SCRIB: variants seen among roughly 807,000 people sequenced by gnomAD.
SCRIB encodes the protein protein scribble homolog.
In SCRIB, 72 loss-of-function variants were observed where a neutral mutation model predicts 170.0. The ratio of observed to expected loss-of-function variants is 0.42; its 90% CI spans 0.35 to 0.52. The LOEUF (loss-of-function observed/expected upper bound fraction) is 0.52. Among genes scored for constraint, SCRIB ranks in the 20% least tolerant of loss-of-function variants. SCRIB has a pLI of 0.02. For synonymous variants in SCRIB, 1,298 were observed against 1,044.3 expected (o/e 1.24, Z -4.68); for missense variants, 2,475 against 2,338.5 (o/e 1.06, Z -1.20).
In SCRIB at chr8:143,812,904, C is replaced by T; in HGVS notation, c.700G>A (p.Glu234Lys). Residue 234 changes from glutamate (E) to lysine (K), a missense_variant, in exon 8 of 37, where the codon GAG becomes AAG. Glu to Lys is a moderately conservative substitution (Grantham distance 56). Transcript: ENST00000356994. ...AGCCCGCCGAGCTCAGCAGGCAGCT[C>T]CTCCAGCCGGTTTTCCGACACGTCC... ...CLDVSENRLE[E>K]LPAELGGLVL... The T allele has an allele frequency of 5.0e-6, 8 of 1,611,896 alleles. No individual in the cohort carries two copies. The highest frequency in any genetic ancestry group is 1.1e-5 in the South Asian group (1 of 91,066).
intron 35 of SCRIB, 68 bp from the exon 36 acceptor site, chr8:143,791,508 G>A (rs781893499): frequency 3.8e-6 from 6 of 1,596,198 alleles, no homozygotes; most frequent in Non-Finnish European, 5.1e-6. Flanking sequence ...TGGACGGGTG[G>A]GCTCCCAGCC....
rs782583575 is a variant in SCRIB, at chr8:143,805,315, C to T, written c.2467G>A (p.Val823Ile). ...RERMVEPENAVTITPLRPEDD... is the reference protein window; with the variant it reads ...RERMVEPENAITITPLRPEDD... ...TCGGGCCGCAGCGGCGTGATGGTGA[C>T]CGCGTTCTCAGGCTCCACCATGCGC... The change falls in exon 19 of 37, where the codon GTC (valine) becomes ATC (isoleucine). Residue 823 changes from valine (V) to isoleucine (I), a missense_variant. Coordinates refer to ENST00000356994, the MANE Select transcript of SCRIB (RefSeq NM_182706.5). The T allele has an allele frequency of 1.9e-6, 3 of 1,545,806 alleles. No homozygotes were observed. Among genetic ancestry groups the T allele is most frequent in the Non-Finnish European group, 8.7e-7 (1 of 1,151,522 alleles).
rs1815281167 is a variant in SCRIB at position 143,803,808 on chromosome 8, G to C, written c.3253C>G (p.Leu1085Val). 6.2e-7 allele frequency: 1 copy of C among 1,604,158 alleles called. No individual in the cohort carries two copies. The highest frequency in any genetic ancestry group is 1.1e-5 in the South Asian group (1 of 90,694). Residue 1085 changes from leucine to valine, a missense_variant, in exon 23 of 37, where the codon CTG (leucine) becomes GTG (valine). Transcript: ENST00000356994. ...VSALLRPCLE[L>V]SLLVRRDPAP... ...GGGTCCCTCCGCACCAGCAGCGACA[G>C]CTCCAGGCAGGGCCGGAGCAGGGCA...
Position 143,804,745 on chromosome 8 carries a change from C to A in SCRIB, c.2832G>T (p.Leu944=). The change falls in exon 21 of 37, where the codon CTG becomes CTT. Residue 944 remains leucine (L), a synonymous_variant. Transcript: ENST00000356994. ...LLTAASPTIA[L]LLEREAGGPL... ...GGCCCCCAGCCTCCCGCTCCAACAG[C>A]AGGGCGATGGTGGGGGAGGCAGCGG... The A allele has an allele frequency of 1.2e-6, 2 of 1,602,374 alleles. No individual in the cohort carries two copies. The highest frequency in any genetic ancestry group is 8.5e-7 in the Non-Finnish European group (1 of 1,175,262).
chr8:143,805,651 A>G (rs546910923), intron 18 of SCRIB, among the ~76,000 whole-genome samples: 3 of 152,308 alleles, frequency 2.0e-5, no homozygotes, highest in African/African-American at 4.8e-5. Context: ...CGGTGTGGGA[A>G]GCCCTAGGGC....
In SCRIB at chr8:143,806,933, C is replaced by T. The variant is rs782142620; in HGVS notation, c.2259G>A (p.Gly753=). The change falls in exon 17 of 37, where the codon GGG becomes GGA. Residue 753 remains glycine (G), a synonymous_variant. Coordinates refer to ENST00000356994, the MANE Select transcript of SCRIB (RefSeq NM_182706.5). ...CCTAGGCAGTGCTCACCTCGTCGTC[C>T]CCCTTATAGGGTGTGGAGCCCTTGC... ...AGGKGSTPYK[G]DDEGIFISRV... 11 of 1,610,536 alleles carry T rather than the reference C, an allele frequency of 6.8e-6. No homozygotes were observed. The highest frequency in any genetic ancestry group is 3.4e-6 in the Non-Finnish European group (4 of 1,178,224).
chr8:143,811,388 G>A (rs1279008278), intron 9 of SCRIB, 43 bp from the exon 10 acceptor site: 4 of 1,566,246 alleles, frequency 2.6e-6, no homozygotes, highest in Admixed American at 1.7e-5. Flanking sequence ...GGGCTTGCTG[G>A]GGGTGGGAAG....
rs1448453608 is a variant in SCRIB at position 143,811,128 on chromosome 8, G to A, written c.1106+18C>T. On this transcript the variant is annotated intron_variant, in intron 10 of 36. Coordinates refer to ENST00000356994, the MANE Select transcript of SCRIB (RefSeq NM_182706.5). ...GTTGGGGCCACGGTTAGGCCCGCAG[G>A]GCAAGGCTGGCACTCACCGGTTCCC... is the stretch of plus-strand genomic sequence containing the variant. 2.5e-6 allele frequency: 4 copies of A among 1,598,048 alleles called. No individual in the cohort carries two copies. Among genetic ancestry groups the A allele is most frequent in the African/African-American group, 1.3e-5 (1 of 74,642 alleles).
chr8:143,813,526 G>T lies in SCRIB; in HGVS notation c.447C>A (p.Asn149Lys). Residue 149 changes from asparagine to lysine, a missense_variant and splice_region_variant, in exon 5 of 37, where the codon AAC (asparagine) becomes AAA (lysine). Coordinates refer to ENST00000356994, the MANE Select transcript of SCRIB (RefSeq NM_182706.5). ...SLQALPGDVG[N>K]LANLVTLELR... is the part of the protein sequence containing the mutation. ...GCTCCAGGGTCACCAGGTTGGCGAG[G>T]CTGAAAGAGAGACCAGGCGCTGGGG... is the stretch of plus-strand genomic sequence containing the variant. 4.3e-6 allele frequency: 7 copies of T among 1,613,264 alleles called. No individual in the cohort carries two copies. The highest frequency in any genetic ancestry group is 5.1e-6 in the Non-Finnish European group (6 of 1,179,986).
chr8:143,794,516 G>C (rs938567906), intron 27 of SCRIB, among the ~76,000 whole-genome samples: 1 of 152,270 alleles, frequency 6.6e-6, no homozygotes, highest in African/African-American at 2.4e-5. Flanking sequence ...GCTTGGGCAA[G>C]GGCCTGCAGG....
chr8:143,791,405 T>A lies in SCRIB; in HGVS notation c.4806A>T (p.Glu1602Asp). ...CCAACTCACCAGGGCTGGGAGATGG[T>A]TCCAGGGACCTCAACTCCTCAGCAA... ...PDFAEELRSL[E>D]PSPSPGPQEE... The change falls in exon 36 of 37, where the codon GAA becomes GAT. Residue 1602 changes from glutamate (E) to aspartate (D), a missense_variant. This residue lies in a region of SCRIB where 1,966 missense variants were observed against 1,742.9 expected (regional missense o/e 1.13). Transcript: ENST00000356994. The A allele has an allele frequency of 6.2e-7, 1 of 1,610,806 alleles. No individual in the cohort carries two copies. The highest frequency in any genetic ancestry group is 8.5e-7 in the Non-Finnish European group (1 of 1,179,160).
chr8:143,806,368 G>C, intron 18 of SCRIB, 39 bp downstream of exon 18: 1 of 1,506,960 alleles, frequency 6.6e-7, no homozygotes. Flanking sequence ...CCTCCAGAGG[G>C]CACAGCTGCC....
chr8:143,812,681 C>T lies in SCRIB; in HGVS notation c.787+136G>A, dbSNP rs895871419. The T allele has an allele frequency of 2.9e-5, 36 of 1,239,272 alleles. 1 individual carries two copies. Among genetic ancestry groups the T allele is most frequent in the Non-Finnish European group, 3.3e-5 (30 of 896,950 alleles). The allele number at this position is 1,239,272 out of a possible 1,614,324, so 76.8% of individuals were successfully genotyped here. On this transcript the variant is annotated intron_variant, in intron 8 of 36. Transcript: ENST00000356994. ...TGCCCCAGGGTCCCACCTCCCCTCCCCAGGGACAGCTCCCAGAGCCTGGGC... is the reference window on the plus strand; with the variant it reads ...TGCCCCAGGGTCCCACCTCCCCTCCTCAGGGACAGCTCCCAGAGCCTGGGC...
chr8:143,803,979 C>G (rs782796876), intron 22 of SCRIB, 39 bp from the exon 23 acceptor site: 2 of 1,568,774 alleles, frequency 1.3e-6, no homozygotes, highest in South Asian at 2.3e-5. Flanking sequence ...GCTGAGGCCG[C>G]GCTGACCTGC....
intron 15 of SCRIB, 94 bp from the exon 16 acceptor site, chr8:143,807,708 G>C (rs1554636955): frequency 2.9e-6 from 3 of 1,025,334 alleles, no homozygotes; most frequent in East Asian, 2.4e-5. Context: ...AGAAAGGACA[G>C]AGGAGACCAC....
At position 143,804,171 on chromosome 8, in the gene SCRIB, C is replaced by A; in HGVS notation, c.3010-15G>T. 1.9e-6 allele frequency: 3 copies of A among 1,582,206 alleles called. No homozygotes were observed. Among genetic ancestry groups the A allele is most frequent in the Non-Finnish European group, 2.6e-6 (3 of 1,157,234 alleles). On this transcript the variant is annotated splice_polypyrimidine_tract_variant and intron_variant, in intron 21 of 36. Coordinates refer to ENST00000356994, the MANE Select transcript of SCRIB (RefSeq NM_182706.5). ...AGACGGATCTCCTGGGGATTTAGGGCGGGACAAGGACAGGCCTCGGTCAGG... is the reference window on the plus strand; with the variant it reads ...AGACGGATCTCCTGGGGATTTAGGGAGGGACAAGGACAGGCCTCGGTCAGG...
In SCRIB at chr8:143,804,688, T is replaced by C. The variant is rs1352576629; in HGVS notation, c.2889A>G (p.Ser963=). 1.5e-5 allele frequency: 24 copies of C among 1,549,530 alleles called. No homozygotes were observed. Among genetic ancestry groups the C allele is most frequent in the Admixed American group, 1.1e-4 (6 of 55,650 alleles). The part of the protein sequence containing the change: ...PLPPSPLPHS[S]PPTAAVATTS... ...TGGTGGCAACAGCAGCGGTGGGGGG[T>C]GAGGAATGTGGCAGAGGGCTGGGAG... The change falls in exon 21 of 37, where the codon TCA becomes TCG. Residue 963 remains serine (S), a synonymous_variant. Transcript: ENST00000356994.
chr8:143,805,963 G>A lies in SCRIB; in HGVS notation c.2346+444C>T, dbSNP rs966451187. 2.0e-5 allele frequency among the ~76,000 whole-genome samples: 3 copies of A among 152,104 alleles called. 1 individual carries two copies. The highest frequency in any genetic ancestry group is 1.5e-5 in the Non-Finnish European group (1 of 68,014). On this transcript the variant is annotated intron_variant, in intron 18 of 36. Coordinates refer to ENST00000356994, the MANE Select transcript of SCRIB (RefSeq NM_182706.5). ...GGGCGCATGCCTCTTCAGAGCCCCC[G>A]GATGCCCGTGCCCCGGCTGAACAGC...
chr8:143,808,347 G>T (rs1340204961), intron 15 of SCRIB, among the ~76,000 whole-genome samples: 3 of 152,084 alleles, frequency 2.0e-5, no homozygotes, highest in Admixed American at 6.5e-5. Flanking sequence ...CCAACGCCAG[G>T]GCAGGCCTGG....
Sources: allele counts gnomAD v4.1 joint callset (sites outside exome capture counted in the v4.1 genomes callset), GRCh38; gene constraint gnomAD v4.1.1; regional missense constraint gnomAD v4.1.1; transcripts MANE v1.5; gene names NCBI Gene and HGNC (gene_info 2026-07-23, HGNC 2026-07-21).